ABCA13: variants seen among roughly 807,000 people sequenced by gnomAD.
The protein encoded by ABCA13 is ATP-binding cassette sub-family A member 13.
Under a neutral mutation model 478.7 loss-of-function variants are expected in ABCA13, and 476 were observed. The observed-to-expected ratio is 0.99, with a 90% confidence interval of 0.92 to 1.07. ABCA13 has a LOEUF of 1.07. ABCA13 is among the 50% of genes least tolerant of loss of function. The pLI, the probability that ABCA13 is intolerant of heterozygous loss-of-function variation, is 0.00. For missense variants in ABCA13, 6,060 were observed against 5,910.6 expected, an observed-to-expected ratio of 1.03 and a Z score of -0.83; for synonymous variants, 2,252 against 2,158.9, an observed-to-expected ratio of 1.04 and a Z score of -1.20.
At chr7:48,588,666 C>A (rs2131402916) in intron 57 of ABCA13, among the ~76,000 whole-genome samples, 1 of 152,330 alleles carries the variant, frequency 6.6e-6, no homozygotes, top group African/African-American at 2.4e-5. Context: ...TAGTGTCTGT[C>A]TCATGGAGTC....
intron 40 of ABCA13, among the ~76,000 whole-genome samples, chr7:48,411,319 C>CTTTTCTTTTCTTTTCTTTTCTT (rs1296464576): frequency 5.0e-5 from 7 of 140,596 alleles, no homozygotes; most frequent in African/African-American, 1.9e-4. Flanking sequence ...CTTTTCTTTT[C>CTTTTCTTTTCTTTTCTTTTCTT]TTTTCTTTCA....
intron 27 of ABCA13, among the ~76,000 whole-genome samples, chr7:48,322,871 C>T (rs753134138): frequency 6.6e-6 from 1 of 152,166 alleles, no homozygotes; most frequent in African/African-American, 2.4e-5. Context: ...CACTGTCTTC[C>T]CACCCTAAAC....
intron 45 of ABCA13, among the ~76,000 whole-genome samples, chr7:48,476,770 C>G (rs959808406): frequency 1.3e-5 from 2 of 151,904 alleles, no homozygotes; most frequent in African/African-American, 4.8e-5. Flanking sequence ...AATATATGAC[C>G]AGGTAAGTGA....
At chr7:48,620,187 G>GA (rs11387702) in intron 59 of ABCA13, among the ~76,000 whole-genome samples, 64,530 of 151,748 alleles carry the variant, frequency 0.43, 14,772 homozygotes, top group African/African-American at 0.59. Flanking sequence ...CTTAGACCTG[G>GA]AGTACAGGTA....
At chr7:48,631,693 T>C (rs919596631) in intron 59 of ABCA13, among the ~76,000 whole-genome samples, 5 of 152,084 alleles carry the variant, frequency 3.3e-5, no homozygotes, top group African/African-American at 1.2e-4. Context: ...AGTTTTTTTT[T>C]AATTCTATGA....
At chr7:48,319,776 C>T (rs1015932603) in intron 27 of ABCA13, among the ~76,000 whole-genome samples, 1 of 152,136 alleles carries the variant, frequency 6.6e-6, no homozygotes, top group African/African-American at 2.4e-5. Flanking sequence ...CTCTCTGTGA[C>T]CTTGGGCTTA....
intron 42 of ABCA13, among the ~76,000 whole-genome samples, chr7:48,444,991 CT>C (rs1219693708): frequency 6.8e-6 from 1 of 147,784 alleles, no homozygotes; most frequent in Non-Finnish European, 1.5e-5. Context: ...GTCTTTCTTT[CT>C]TTCTCTCTTT....
At chr7:48,345,895 G>C (rs1346046431) in intron 29 of ABCA13, among the ~76,000 whole-genome samples, 4 of 152,152 alleles carry the variant, frequency 2.6e-5, no homozygotes, top group African/African-American at 9.7e-5. Context: ...CAATCTAAGT[G>C]TATCATTTAA....
intron 3 of ABCA13, among the ~76,000 whole-genome samples, chr7:48,198,713 T>G (rs1026680172): frequency 2.0e-5 from 3 of 152,264 alleles, no homozygotes; most frequent in Non-Finnish European, 4.4e-5. Context: ...AATTATTTTT[T>G]GAGCTACCTA....
At chr7:48,346,034 G>T (rs1404082552) in intron 29 of ABCA13, among the ~76,000 whole-genome samples, 1 of 152,148 alleles carries the variant, frequency 6.6e-6, no homozygotes, top group South Asian at 2.1e-4. Flanking sequence ...ATTCTATGCA[G>T]GTTTGTAGCC....
At chr7:48,487,088 A>G (rs973736903) in intron 47 of ABCA13, among the ~76,000 whole-genome samples, 1 of 152,108 alleles carries the variant, frequency 6.6e-6, no homozygotes, top group Admixed American at 6.5e-5. Context: ...AAGTGGGCGG[A>G]TCACCTGAGG....
intron 54 of ABCA13, among the ~76,000 whole-genome samples, chr7:48,526,016 G>A (rs572275614): frequency 6.6e-6 from 1 of 152,104 alleles, no homozygotes; most frequent in South Asian, 2.1e-4. Context: ...CTTCCTTGTG[G>A]GTGTGGGGCA....
intron 48 of ABCA13, among the ~76,000 whole-genome samples, chr7:48,499,975 A>G (rs1338414262): frequency 2.0e-5 from 3 of 152,228 alleles, no homozygotes; most frequent in African/African-American, 4.8e-5. Context: ...ATCAAAGACT[A>G]CAAATGATTT....
intron 18 of ABCA13, 52 bp from the exon 19 acceptor site, chr7:48,281,291 T>G (rs887478105): frequency 4.8e-6 from 7 of 1,447,508 alleles, no homozygotes; most frequent in Non-Finnish European, 6.6e-6. Flanking sequence ...GAGATGCACA[T>G]GGGTTGCACA....
Position 48,455,040 on chromosome 7 carries a change from G to A in ABCA13, c.12569G>A (p.Gly4190Asp). 3 of 1,503,738 alleles carry A rather than the reference G, an allele frequency of 2.0e-6. No homozygotes were observed. Among genetic ancestry groups the A allele is most frequent in the Non-Finnish European group, 2.7e-6 (3 of 1,126,706 alleles). 93.1% of individuals were successfully genotyped at this position (1,503,738 alleles called of 1,614,324 possible). A position where few individuals can be genotyped will look rare whatever the true frequency, so the allele number is the denominator to read the frequency against. ...RPTGHLSGYC[G>D]SLARPATVQG... is the part of the protein sequence containing the mutation. ...CTTCCTCCCGCCCGTCCTGCAGGTGGCTCCCTAGCACGGCCCGCAACTGTG... is the reference window on the plus strand; with the variant it reads ...CTTCCTCCCGCCCGTCCTGCAGGTGACTCCCTAGCACGGCCCGCAACTGTG... Residue 4190 changes from glycine to aspartate, a missense_variant, in exon 43 of 62, where the codon GGC (glycine) becomes GAC (aspartate). Physicochemically the swap from Gly to Asp is moderately conservative, Grantham distance 94. Around this residue, in one of 3 missense-constraint regions of ABCA13, gnomAD observed 1,627 missense variants for 1,571.0 expected, o/e 1.04. Coordinates refer to ENST00000435803, the MANE Select transcript of ABCA13 (RefSeq NM_152701.5).
At chr7:48,487,612 G>C (rs80212164) in intron 47 of ABCA13, among the ~76,000 whole-genome samples, 2 of 152,236 alleles carry the variant, frequency 1.3e-5, no homozygotes, top group East Asian at 3.9e-4. Flanking sequence ...CCCTAAATTT[G>C]AACAGTTAAG....
chr7:48,366,892 A>G (rs1003074869), intron 31 of ABCA13, among the ~76,000 whole-genome samples: 2 of 152,096 alleles, frequency 1.3e-5, no homozygotes, highest in African/African-American at 2.4e-5. Context: ...GGATTATTTT[A>G]TGTCCCCTCC....
At chr7:48,339,547 T>A (rs955629998) in intron 29 of ABCA13, among the ~76,000 whole-genome samples, 1 of 152,220 alleles carries the variant, frequency 6.6e-6, no homozygotes, top group African/African-American at 2.4e-5. Context: ...GAATCGTACC[T>A]GAGCCACATT....
chr7:48,411,291 C>CTTTTCTTTTCTTTTCTT (rs1554500145), intron 40 of ABCA13, among the ~76,000 whole-genome samples: 2 of 92,894 alleles, frequency 2.2e-5, no homozygotes, highest in African/African-American at 8.2e-5. Flanking sequence ...TCCTTCCTTC[C>CTTTTCTTTTCTTTTCTT]TTCTTTTCTT....
Sources: gnomAD v4.1 joint callset for allele counts (sites outside exome capture counted in the v4.1 genomes callset) on GRCh38, gnomAD v4.1.1 for gene constraint, gnomAD v4.1.1 regional missense constraint, MANE v1.5 for transcripts, NCBI Gene and HGNC (gene_info 2026-07-23, HGNC 2026-07-21) for gene names.